The following MKLN1 variants were observed in gnomAD, a reference collection of about 807,000 sequenced individuals.
The protein encoded by MKLN1 is muskelin 1, also known as muskelin.
A neutral mutation model predicts 99.0 loss-of-function variants in MKLN1; 18 were observed. The observed-to-expected ratio is 0.18, with a 90% confidence interval of 0.13 to 0.27. MKLN1 has a LOEUF of 0.27. MKLN1 is among the 10% of genes least tolerant of loss of function. MKLN1 has a pLI of 1.00. For missense variants in MKLN1, 621 were observed against 875.9 expected, an observed-to-expected ratio of 0.71 and a Z score of 3.67; for synonymous variants, 288 against 293.2, an observed-to-expected ratio of 0.98 and a Z score of 0.18.
At chr7:131,140,776 T>C (rs1301870225) in intron 1 of MKLN1, among the ~76,000 whole-genome samples, 1 of 149,920 alleles carries the variant, frequency 6.7e-6, no homozygotes, top group Non-Finnish European at 1.5e-5. Flanking sequence ...ACACCATCCT[T>C]TTTTTTTTTG....
rs560009224 is a variant in MKLN1, at chr7:131,126,877, G to T, written c.-418-15943G>T. On this transcript the variant is annotated intron_variant, in intron 1 of 7. Transcript: ENST00000416992. ...CCCATATGTTGATCTTAGAATAGAA[G>T]AAATATGGCCGGGTGTGGTGGCTTA... Among the ~76,000 whole-genome samples, 44 of 152,268 alleles carry T rather than the reference G, an allele frequency of 2.9e-4. No homozygotes were observed. The South Asian group carries it at 8.7e-3, about 30-fold the overall frequency.
intron 1 of MKLN1, among the ~76,000 whole-genome samples, chr7:131,128,918 T>G (rs1007956680): frequency 3.7e-5 from 5 of 136,742 alleles, no homozygotes; most frequent in Non-Finnish European, 8.1e-5. Flanking sequence ...TTTTTTTTTT[T>G]GGTAGAGACA....
chr7:131,476,728 T>C (rs1331660103), intron 16 of MKLN1, among the ~76,000 whole-genome samples: 2 of 152,156 alleles, frequency 1.3e-5, no homozygotes, highest in Non-Finnish European at 2.9e-5. Context: ...ATTGAGGAAA[T>C]AGACAAACTA....
intron 1 of MKLN1, among the ~76,000 whole-genome samples, chr7:131,335,212 A>C (rs1361779334): frequency 6.6e-6 from 1 of 152,150 alleles, no homozygotes; most frequent in African/African-American, 2.4e-5. Flanking sequence ...TTGTTGTTTA[A>C]TGAGAACTTC....
intron 3 of MKLN1, among the ~76,000 whole-genome samples, chr7:131,313,204 A>C (rs1584907973): frequency 6.6e-6 from 1 of 152,262 alleles, no homozygotes; most frequent in East Asian, 1.9e-4. Context: ...AGATTACTAA[A>C]GTCAAGTGAC....
At chr7:131,240,452 T>C (rs1474852664) in intron 3 of MKLN1, among the ~76,000 whole-genome samples, 1 of 151,790 alleles carries the variant, frequency 6.6e-6, no homozygotes, top group Non-Finnish European at 1.5e-5. Context: ...ATAACTATCA[T>C]GCAAACGTTT....
At chr7:131,215,022 T>A (rs1796958731) in intron 3 of MKLN1, among the ~76,000 whole-genome samples, 1 of 152,222 alleles carries the variant, frequency 6.6e-6, no homozygotes, top group African/African-American at 2.4e-5. Flanking sequence ...GATGTAGGGT[T>A]ACAGTGGAAT....
At chr7:131,431,503 A>C (rs1795521303) in intron 9 of MKLN1, among the ~76,000 whole-genome samples, 1 of 152,122 alleles carries the variant, frequency 6.6e-6, no homozygotes, top group African/African-American at 2.4e-5. Flanking sequence ...GTGTGGTTTC[A>C]GCTGGGACTG....
At chr7:131,319,546 C>G (rs1798733416) in intron 3 of MKLN1, among the ~76,000 whole-genome samples, 2 of 152,186 alleles carry the variant, frequency 1.3e-5, no homozygotes, top group Non-Finnish European at 2.9e-5. Context: ...GACAAGGATG[C>G]CCTCTCTCAC....
At chr7:131,304,208 T>C (rs749114719) in intron 3 of MKLN1, among the ~76,000 whole-genome samples, 6 of 152,118 alleles carry the variant, frequency 3.9e-5, no homozygotes, top group Non-Finnish European at 5.9e-5. Flanking sequence ...ACCCTGACTC[T>C]ACAAAAAAAT....
At chr7:131,277,287 A>G (rs1250469873) in intron 3 of MKLN1, among the ~76,000 whole-genome samples, 1 of 144,042 alleles carries the variant, frequency 6.9e-6, no homozygotes, top group East Asian at 2.0e-4. Flanking sequence ...TCAATTGTGC[A>G]TTTTTTTTTT....
intron 1 of MKLN1, among the ~76,000 whole-genome samples, chr7:131,359,229 C>T (rs1181201939): frequency 6.6e-6 from 1 of 152,022 alleles, no homozygotes; most frequent in Non-Finnish European, 1.5e-5. Flanking sequence ...TCACTTTGTT[C>T]AGAATATTTT....
At chr7:131,142,410 C>CA (rs35890144) in intron 1 of MKLN1, among the ~76,000 whole-genome samples, 49,258 of 138,302 alleles carry the variant, frequency 0.36, 9,371 homozygotes, top group Non-Finnish European at 0.46. Flanking sequence ...GACTCCATTT[C>CA]AAAAAAAAAA....
At chr7:131,397,813 G>A (rs1460841941) in intron 5 of MKLN1, among the ~76,000 whole-genome samples, 1 of 152,034 alleles carries the variant, frequency 6.6e-6, no homozygotes, top group Non-Finnish European at 1.5e-5. Context: ...GCAGCCTAAT[G>A]GAAAATTTAA....
intron 2 of MKLN1, among the ~76,000 whole-genome samples, chr7:131,195,394 C>T (rs1796627091): frequency 6.6e-6 from 1 of 151,802 alleles, no homozygotes; most frequent in African/African-American, 2.4e-5. Flanking sequence ...GCCTGTAATC[C>T]CAGCTACTCA....
intron 1 of MKLN1, among the ~76,000 whole-genome samples, chr7:131,131,455 C>T (rs1584779937): frequency 6.6e-6 from 1 of 152,282 alleles, no homozygotes; most frequent in Non-Finnish European, 1.5e-5. Context: ...TTCCCAAGTA[C>T]TTATGTGCAA....
At chr7:131,242,698 G>A (rs1965692) in intron 3 of MKLN1, 403,355 of 642,878 alleles carry the variant, frequency 0.63, 130,785 homozygotes, top group East Asian at 0.91. Context: ...ACCTTAGATC[G>A]CCCCTACAGC....
chr7:131,363,026 C>T (rs1038006599), intron 1 of MKLN1, among the ~76,000 whole-genome samples: 5 of 152,012 alleles, frequency 3.3e-5, no homozygotes, highest in African/African-American at 4.8e-5. Flanking sequence ...TTTTCATCTT[C>T]GTGGCCACAT....
chr7:131,198,541 G>A (rs959825278), intron 2 of MKLN1, among the ~76,000 whole-genome samples: 1 of 128,628 alleles, frequency 7.8e-6, no homozygotes, highest in African/African-American at 3.1e-5. Context: ...TTCAAAGATA[G>A]TGTGTCCTGT....
Sources: gnomAD v4.1 joint callset for allele counts (sites outside exome capture counted in the v4.1 genomes callset) on GRCh38, gnomAD v4.1.1 for gene constraint, MANE v1.5 for transcripts, NCBI Gene and HGNC (gene_info 2026-07-23, HGNC 2026-07-21) for gene names.